Variants in ATXN2 observed in about 807,000 individuals in gnomAD.
ATXN2 encodes ataxin 2.
A neutral mutation model predicts 138.6 loss-of-function variants in ATXN2; 37 were observed. The ratio of observed to expected loss-of-function variants is 0.27; its 90% CI spans 0.21 to 0.35. The LOEUF is 0.35. Among genes scored for constraint, ATXN2 ranks in the 10% least tolerant of loss-of-function variants. The pLI, the probability that ATXN2 is intolerant of heterozygous loss-of-function variation, is 1.00. For missense variants in ATXN2, 1,216 were observed against 1,480.3 expected (o/e 0.82, Z 2.93); for synonymous variants, 549 against 543.7 (o/e 1.01, Z -0.13).
chr12:111,597,877 G>A (rs547051281), intron 1 of ATXN2: 5 of 1,288,478 alleles, frequency 3.9e-6, no homozygotes, highest in South Asian at 3.7e-5. Flanking sequence ...CCGCCACCCC[G>A]GATCTCCAGG....
chr12:111,462,027 C>T (rs1875628537), intron 21 of ATXN2, among the ~76,000 whole-genome samples: 1 of 151,976 alleles, frequency 6.6e-6, no homozygotes, highest in Non-Finnish European at 1.5e-5. Flanking sequence ...GGTTCTGACC[C>T]ACACATATTA....
chr12:111,599,090 C>A lies in ATXN2; in HGVS notation c.-56G>T. The A allele has an allele frequency of 8.2e-6, 11 of 1,346,612 alleles. No individual in the cohort carries two copies. The highest frequency in any genetic ancestry group is 1.1e-5 in the Non-Finnish European group (11 of 1,046,994). The allele number at this position is 1,346,612 out of a possible 1,614,324, so 83.4% of individuals were successfully genotyped here. A position where few individuals can be genotyped will look rare whatever the true frequency, so the allele number is the denominator to read the frequency against. On this transcript the variant is annotated 5_prime_UTR_variant, in exon 1 of 25. Transcript: ENST00000673436. Reference sequence around the variant, plus strand: ...CGGGCGGGGACAGCCGGGAGCCGGGCGCGCCAAGGAGACGCCGGAACGCGG... The same window carrying A: ...CGGGCGGGGACAGCCGGGAGCCGGGAGCGCCAAGGAGACGCCGGAACGCGG...
chr12:111,512,451 C>CTTTTTTT (rs559068103), intron 11 of ATXN2: 1 of 120,166 alleles, frequency 8.3e-6, no homozygotes. Context: ...AGTTTTTAAA[C>CTTTTTTT]TTTTTTTTTT....
intron 5 of ATXN2, among the ~76,000 whole-genome samples, chr12:111,532,653 T>G (rs1175555989): frequency 6.6e-6 from 1 of 152,032 alleles, no homozygotes; most frequent in African/African-American, 2.4e-5. Context: ...TTAGTGTAAA[T>G]AAAGATGTAA....
At chr12:111,482,013 A>G (rs1877272886) in intron 18 of ATXN2, among the ~76,000 whole-genome samples, 1 of 152,048 alleles carries the variant, frequency 6.6e-6, no homozygotes, top group South Asian at 2.1e-4. Context: ...TCATTGCCAG[A>G]AAAAGGAAAT....
At chr12:111,577,245 C>T (rs191752991) in intron 1 of ATXN2, among the ~76,000 whole-genome samples, 18 of 150,942 alleles carry the variant, frequency 1.2e-4, no homozygotes, top group African/African-American at 2.2e-4. Context: ...ACACATGCAC[C>T]GCATGTTTCA....
At chr12:111,479,857 A>T (rs940487659) in intron 18 of ATXN2, among the ~76,000 whole-genome samples, 2 of 63,200 alleles carry the variant, frequency 3.2e-5, no homozygotes, top group African/African-American at 2.4e-4. Flanking sequence ...CCATTTATTA[A>T]AAAAAAAAAA....
At chr12:111,573,859 GTTT>G (rs935984292) in intron 1 of ATXN2, among the ~76,000 whole-genome samples, 5 of 142,532 alleles carry the variant, frequency 3.5e-5, no homozygotes. Flanking sequence ...AGCTAAATGT[GTTT>G]TTTCTTTCTT....
chr12:111,452,828 T>C lies in ATXN2; in HGVS notation c.3452A>G (p.His1151Arg), dbSNP rs1376222139. 2 of 1,613,712 alleles carry C rather than the reference T, an allele frequency of 1.2e-6. No individual in the cohort carries two copies. Among genetic ancestry groups the C allele is most frequent in the African/African-American group, 2.7e-5 (2 of 74,910 alleles). ...YMTHPSVQAH[H>R]QQQL ...AGGGCAGCCTTACAACTGCTGTTGG[T>C]GGTGGGCTTGTACTGTAAAAAGAAA... The change falls in exon 25 of 25, where the codon CAC becomes CGC. Residue 1151 changes from histidine (H) to arginine (R), a missense_variant. By Grantham distance (29) the His-to-Arg change is conservative. This residue lies in a region of ATXN2 where 490 missense variants were observed against 653.5 expected (regional missense o/e 0.75). Coordinates refer to ENST00000673436, the MANE Select transcript of ATXN2 (RefSeq NM_001372574.1).
intron 1 of ATXN2, chr12:111,597,640 T>A (rs1302384998): frequency 2.2e-6 from 1 of 446,518 alleles, no homozygotes; most frequent in Non-Finnish European, 4.5e-6. Context: ...CAGGCCCTCC[T>A]GCACAAACAC....
At chr12:111,465,017 T>A (rs1286618814) in intron 20 of ATXN2, among the ~76,000 whole-genome samples, 1 of 152,160 alleles carries the variant, frequency 6.6e-6, no homozygotes, top group South Asian at 2.1e-4. Flanking sequence ...TTGATATAAA[T>A]CATGTACCAA....
At chr12:111,599,553 G>A, upstream of ATXN2, 2 of 1,181,076 alleles carry the variant, frequency 1.7e-6, no homozygotes, top group East Asian at 3.7e-5. Context: ...TGGGAGCGGA[G>A]GTGCGGATAG....
chr12:111,555,142 A>G (rs1302440724), intron 2 of ATXN2, among the ~76,000 whole-genome samples: 1 of 152,190 alleles, frequency 6.6e-6, no homozygotes, highest in Admixed American at 6.5e-5. Context: ...AAGGAGAAAA[A>G]TGAAAGCAGC....
At chr12:111,534,567 T>C (rs1011593597) in intron 5 of ATXN2, among the ~76,000 whole-genome samples, 2 of 151,704 alleles carry the variant, frequency 1.3e-5, no homozygotes, top group South Asian at 4.2e-4. Context: ...AAAAGTTTAA[T>C]GCATTGGGAG....
intron 5 of ATXN2, among the ~76,000 whole-genome samples, chr12:111,530,926 G>A (rs1217400235): frequency 6.6e-6 from 1 of 151,824 alleles, no homozygotes; most frequent in Non-Finnish European, 1.5e-5. Flanking sequence ...CGGAGTTCGA[G>A]ACCAGCCTGA....
chr12:111,566,250 T>C (rs1257372667), intron 1 of ATXN2, among the ~76,000 whole-genome samples: 1 of 151,636 alleles, frequency 6.6e-6, no homozygotes, highest in Non-Finnish European at 1.5e-5. Context: ...CTGACCAACA[T>C]GGAGAAACCC....
chr12:111,576,831 T>G (rs146415388), intron 1 of ATXN2, among the ~76,000 whole-genome samples: 15,304 of 150,822 alleles, frequency 0.1, 2,574 homozygotes, highest in African/African-American at 0.35. Context: ...GGTGGCGGGC[T>G]CCTGTAGTCC....
At chr12:111,452,980 A>C (rs904068905) in intron 24 of ATXN2, 140 bp from the exon 25 acceptor site, 105 of 934,708 alleles carry the variant, frequency 1.1e-4, no homozygotes, top group Non-Finnish European at 1.2e-4. Context: ...TCCCCCTCCC[A>C]TCTGCACCAA....
At chr12:111,559,405 G>A (rs1040720443) in intron 1 of ATXN2, among the ~76,000 whole-genome samples, 5 of 151,634 alleles carry the variant, frequency 3.3e-5, no homozygotes, top group Admixed American at 6.6e-5. Flanking sequence ...GGCCAAAGAT[G>A]ACGGTTTAAC....
Sources: allele counts gnomAD v4.1 joint callset (sites outside exome capture counted in the v4.1 genomes callset), GRCh38; gene constraint gnomAD v4.1.1; regional missense constraint gnomAD v4.1.1; transcripts MANE v1.5; gene names NCBI Gene and HGNC (gene_info 2026-07-23, HGNC 2026-07-21).